The following VPS13C variants were observed in gnomAD, a reference collection of about 807,000 sequenced individuals.
VPS13C encodes intermembrane lipid transfer protein VPS13C.
Under a neutral mutation model 456.8 loss-of-function variants are expected in VPS13C, and 358 were observed. The ratio of observed to expected loss-of-function variants is 0.78; its 90% CI spans 0.72 to 0.86. VPS13C has a LOEUF of 0.86. Among genes scored for constraint, VPS13C ranks in the 40% least tolerant of loss-of-function variants. The pLI is 0.00. For missense variants in VPS13C, 4,818 were observed against 4,385.4 expected (o/e 1.10, Z -2.79); for synonymous variants, 1,578 against 1,486.7 (o/e 1.06, Z -1.41).
intron 3 of VPS13C, among the ~76,000 whole-genome samples, chr15:62,037,298 TAATATATATATAAA>T (rs2048064435): frequency 2.7e-5 from 2 of 75,408 alleles, no homozygotes; most frequent in South Asian, 3.7e-4. Context: ...TTATATTATA[TAATATATATATAAA>T]TATATTATAT....
At position 61,858,430 on chromosome 15, in the gene VPS13C, C is replaced by T. The variant is rs138870994; in HGVS notation, c.10953-2021G>A. 2.2e-3 allele frequency among the ~76,000 whole-genome samples: 329 copies of T among 152,196 alleles called. 2 individuals carry two copies. Among genetic ancestry groups the T allele is most frequent in the African/African-American group, 7.5e-3 (313 of 41,522 alleles). On this transcript the variant is annotated intron_variant, in intron 82 of 84. Coordinates refer to ENST00000644861, the MANE Select transcript of VPS13C (RefSeq NM_020821.3). The surrounding 1 kb of genome is among the most constrained non-coding windows in gnomAD (Gnocchi z 4.4). ...CCTCTACATCCACTCAGTCACCAAG[C>T]CTTGTCTCATAAGTCAAATCCTCAT...
rs1555427984 is a variant in VPS13C, at chr15:61,954,464, G to T, written c.4256C>A (p.Ser1419Tyr). 6.2e-7 allele frequency: 1 copy of T among 1,609,174 alleles called. No homozygotes were observed. The highest frequency in any genetic ancestry group is 1.1e-5 in the South Asian group (1 of 89,452). ...CAGCAGCATATTAATGATGTCTACA[G>T]ACCTAATTTCTTCCACTCCAGTTGT... Reference protein sequence around the residue: ...TLTTGVEEIRSVDIINMLLNF... With the variant: ...TLTTGVEEIRYVDIINMLLNF... Residue 1419 changes from serine (S) to tyrosine (Y), a missense_variant, in exon 38 of 85, where the codon TCT becomes TAT. By Grantham distance (144) the Ser-to-Tyr change is moderately radical. Transcript: ENST00000644861.
chr15:62,009,108 T>C (rs1284519966), intron 13 of VPS13C, among the ~76,000 whole-genome samples: 1 of 152,196 alleles, frequency 6.6e-6, no homozygotes, highest in African/African-American at 2.4e-5. Flanking sequence ...CAATGAAATA[T>C]GGTATCTGTA....
At position 61,907,503 on chromosome 15, in the gene VPS13C, A is replaced by G. The variant is rs998644660; in HGVS notation, c.8979-113T>C. On this transcript the variant is annotated intron_variant, in intron 65 of 84. Coordinates refer to ENST00000644861, the MANE Select transcript of VPS13C (RefSeq NM_020821.3). ...GAAGTCCTACGAAATTGCTGTGGTT[A>G]ATAAAACACAACTCTACCTAAAAAC... 6 of 1,325,716 alleles carry G rather than the reference A, an allele frequency of 4.5e-6. No homozygotes were observed. In the East Asian group the frequency reaches 1.5e-4, roughly 33 times the overall value. 82.1% of individuals were successfully genotyped at this position (1,325,716 alleles called of 1,614,324 possible). A position where few individuals can be genotyped will look rare whatever the true frequency, so the allele number is the denominator to read the frequency against.
intron 1 of VPS13C, among the ~76,000 whole-genome samples, chr15:62,056,752 G>C (rs1011622022): frequency 3.3e-5 from 5 of 152,190 alleles, no homozygotes; most frequent in Non-Finnish European, 7.3e-5. Context: ...ACCTGGCTCT[G>C]CCTTCTAGAT....
chr15:62,018,260 T>G (rs139143486), intron 9 of VPS13C, among the ~76,000 whole-genome samples: 3,282 of 152,224 alleles, frequency 0.022, 90 homozygotes, highest in African/African-American at 0.063. Flanking sequence ...CCTCTTTTCC[T>G]AATTGAATAC....
At chr15:62,012,250 A>C in intron 11 of VPS13C, 86 bp from the exon 12 acceptor site, 1 of 713,486 alleles carries the variant, frequency 1.4e-6, no homozygotes, top group South Asian at 1.8e-5. Flanking sequence ...ACACACACAC[A>C]CACACACAAA....
At chr15:62,009,206 T>C (rs960155698) in intron 13 of VPS13C, among the ~76,000 whole-genome samples, 5 of 152,202 alleles carry the variant, frequency 3.3e-5, no homozygotes, top group African/African-American at 1.2e-4. Flanking sequence ...TGAGCTGATT[T>C]TGAAATTACT....
At position 62,008,682 on chromosome 15, in the gene VPS13C, A is replaced by G. The variant is rs768847249; in HGVS notation, c.1091T>C (p.Leu364Ser). Residue 364 changes from leucine (L) to serine (S), a missense_variant, in exon 14 of 85, where the codon TTA becomes TCA. By Grantham distance (145) the Leu-to-Ser change is moderately radical (BLOSUM62 -2). Coordinates refer to ENST00000644861, the MANE Select transcript of VPS13C (RefSeq NM_020821.3). ...NAPYRKYKPYLPLHTNGRRWW... is the reference protein window; with the variant it reads ...NAPYRKYKPYSPLHTNGRRWW... Reference sequence around the variant, plus strand: ...TCGTCGACCATTGGTATGAAGTGGTAAATAAGGCTTGTATTTCCTATAAGG... The same window carrying G: ...TCGTCGACCATTGGTATGAAGTGGTGAATAAGGCTTGTATTTCCTATAAGG... 6.2e-7 allele frequency: 1 copy of G among 1,607,088 alleles called. No individual in the cohort carries two copies. The highest frequency in any genetic ancestry group is 1.7e-5 in the Admixed American group (1 of 59,424).
At chr15:61,874,151 T>G (rs987219186) in intron 77 of VPS13C, among the ~76,000 whole-genome samples, 1 of 151,872 alleles carries the variant, frequency 6.6e-6, no homozygotes, top group African/African-American at 2.4e-5. Context: ...AATTAGAGAG[T>G]AGAACTGTGG....
chr15:61,932,644 T>C (rs937394713), intron 49 of VPS13C, among the ~76,000 whole-genome samples: 1 of 152,170 alleles, frequency 6.6e-6, no homozygotes, highest in African/African-American at 2.4e-5. Context: ...TGTGCAATCA[T>C]TGGCACACTG....
chr15:61,994,412 T>C (rs942614647), intron 16 of VPS13C, among the ~76,000 whole-genome samples: 1 of 152,200 alleles, frequency 6.6e-6, no homozygotes, highest in Non-Finnish European at 1.5e-5. Flanking sequence ...TTTTAAAATA[T>C]TCATACTTTC....
chr15:62,028,254 A>G (rs878874617), intron 6 of VPS13C, 104 bp downstream of exon 6: 2 of 1,257,528 alleles, frequency 1.6e-6, no homozygotes, highest in South Asian at 2.6e-5. Flanking sequence ...GCATTTCCAT[A>G]TTTTCTAAAA....
chr15:61,996,903 A>G (rs2046402931), intron 16 of VPS13C, among the ~76,000 whole-genome samples: 1 of 150,730 alleles, frequency 6.6e-6, no homozygotes, highest in African/African-American at 2.4e-5. Flanking sequence ...ACACATATAT[A>G]TATATTACAT....
At position 61,927,293 on chromosome 15, in the gene VPS13C, A is replaced by G. The variant is rs941233298; in HGVS notation, c.6314T>C (p.Leu2105Ser). The G allele has an allele frequency of 1.9e-6, 3 of 1,614,080 alleles. No homozygotes were observed. The African/African-American group carries it at 4.0e-5, about 22-fold the overall frequency. The change falls in exon 52 of 85, where the codon TTA becomes TCA. Residue 2105 changes from leucine to serine, a missense_variant. By Grantham distance (145) the Leu-to-Ser change is moderately radical (BLOSUM62 -2). Transcript: ENST00000644861. ...TTCTGGATCTGTGATCATGGCCTTT[A>G]AAGTCATATTTGGTCTAACAGAGTC... ...KDDSVRPNMT[L>S]KAMITDPEVV...
intron 67 of VPS13C, among the ~76,000 whole-genome samples, chr15:61,888,022 T>A (rs1476923245): frequency 6.6e-6 from 1 of 152,136 alleles, no homozygotes; most frequent in Non-Finnish European, 1.5e-5. Context: ...AACCTAATTT[T>A]AAAATGGACA....
intron 35 of VPS13C, among the ~76,000 whole-genome samples, chr15:61,961,095 A>G (rs1383244996): frequency 6.6e-6 from 1 of 150,694 alleles, no homozygotes; most frequent in African/African-American, 2.4e-5. Context: ...CACAAAATAA[A>G]AAACTCTTCT....
chr15:61,916,860 A>C lies in VPS13C; in HGVS notation c.8055+481T>G, dbSNP rs568431434. Among the ~76,000 whole-genome samples, 6 of 152,258 alleles carry C rather than the reference A, an allele frequency of 3.9e-5. No homozygotes were observed. In the South Asian group the frequency reaches 1.2e-3, roughly 32 times the overall value. ...TCATAATATTGACTTTAAAATAAAA[A>C]CTTTAAGATGAAATATTTTCTCATT... is the stretch of plus-strand genomic sequence containing the variant. On this transcript the variant is annotated intron_variant, in intron 60 of 84. Coordinates refer to ENST00000644861, the MANE Select transcript of VPS13C (RefSeq NM_020821.3).
intron 38 of VPS13C, among the ~76,000 whole-genome samples, chr15:61,952,727 T>C (rs532962930): frequency 4.0e-5 from 6 of 149,322 alleles, no homozygotes; most frequent in African/African-American, 1.3e-4. Context: ...TATTGACTGA[T>C]TGATTGTTAG....
Sources: allele counts gnomAD v4.1 joint callset (sites outside exome capture counted in the v4.1 genomes callset), GRCh38; gene constraint gnomAD v4.1.1; non-coding constraint Gnocchi (gnomAD v3.1); transcripts MANE v1.5; gene names NCBI Gene and HGNC (gene_info 2026-07-23, HGNC 2026-07-21).